Variants in CTNNA1 observed in about 807,000 individuals in gnomAD.
The protein encoded by CTNNA1 is catenin alpha-1.
Under a neutral mutation model 98.4 loss-of-function variants are expected in CTNNA1, and 37 were observed. The ratio of observed to expected loss-of-function variants is 0.38; its 90% CI spans 0.29 to 0.49. CTNNA1 has a LOEUF of 0.49. CTNNA1 is among the 20% of genes least tolerant of loss of function. The pLI is 0.95. For missense variants in CTNNA1, 761 were observed against 1,147.2 expected (o/e 0.66, Z 4.86); for synonymous variants, 404 against 413.2 (o/e 0.98, Z 0.27).
chr5:138,796,735 GAT>G (rs1408897527), intron 3 of CTNNA1, among the ~76,000 whole-genome samples: 14 of 152,212 alleles, frequency 9.2e-5, no homozygotes, highest in Admixed American at 9.2e-4. Context: ...ACATGTTTAA[GAT>G]AGTTGATGGT....
At chr5:138,863,742 A>G (rs893382584) in intron 7 of CTNNA1, among the ~76,000 whole-genome samples, 4 of 152,244 alleles carry the variant, frequency 2.6e-5, no homozygotes, top group Non-Finnish European at 4.4e-5. Context: ...CGCAAGGCTG[A>G]TTGAGGTGGA....
chr5:138,908,478 G>A (rs984902488), intron 10 of CTNNA1, among the ~76,000 whole-genome samples: 1 of 152,054 alleles, frequency 6.6e-6, no homozygotes, highest in Non-Finnish European at 1.5e-5. Context: ...GACCAGCCTG[G>A]GCAACAGAGC....
At chr5:138,825,851 T>G (rs1191474833) in intron 6 of CTNNA1, among the ~76,000 whole-genome samples, 1 of 152,152 alleles carries the variant, frequency 6.6e-6, no homozygotes, top group Non-Finnish European at 1.5e-5. Flanking sequence ...AACAAACTCT[T>G]ATGGTGCATG....
chr5:138,778,273 C>T (rs1278963869), intron 1 of CTNNA1, among the ~76,000 whole-genome samples: 3 of 152,106 alleles, frequency 2.0e-5, no homozygotes, highest in Non-Finnish European at 4.4e-5. Flanking sequence ...GGATTACAGA[C>T]GTGAGCCTCC....
intron 1 of CTNNA1, among the ~76,000 whole-genome samples, chr5:138,776,938 CGGGCGGGGGGCT>C (rs1561513384): frequency 2.3e-5 from 3 of 133,014 alleles, no homozygotes; most frequent in Admixed American, 7.3e-5. Context: ...GGCGGCTGGC[CGGGCGGGGGGCT>C]GACTCCCCCA....
intron 5 of CTNNA1, among the ~76,000 whole-genome samples, chr5:138,820,396 C>T (rs918537530): frequency 1.3e-5 from 2 of 152,094 alleles, no homozygotes; most frequent in African/African-American, 4.8e-5. Context: ...GTCTCGTCCC[C>T]TTCTTGGAGG....
In CTNNA1 at chr5:138,783,376, G is replaced by A. The variant is rs1580984945; in HGVS notation, c.301+4G>A. ...GTAGAAGATGTTCGAAAACAAGGTAGGTCATTACTGCTTTTTAGGTAAAGA... is the reference window on the plus strand; with the variant it reads ...GTAGAAGATGTTCGAAAACAAGGTAAGTCATTACTGCTTTTTAGGTAAAGA... On this transcript the variant is annotated splice_donor_region_variant and intron_variant, in intron 3 of 17. Transcript: ENST00000302763. 1.2e-6 allele frequency: 2 copies of A among 1,606,718 alleles called. No homozygotes were observed. Among genetic ancestry groups the A allele is most frequent in the South Asian group, 1.1e-5 (1 of 90,354 alleles).
intron 7 of CTNNA1, among the ~76,000 whole-genome samples, chr5:138,830,823 G>A (rs1277951262): frequency 6.6e-6 from 1 of 152,172 alleles, no homozygotes; most frequent in East Asian, 1.9e-4. Context: ...TAATGGGAGT[G>A]TCATCATAGG....
rs1581241836 is a variant in CTNNA1, at chr5:138,844,893, C to T, written c.1062+17175C>T. On this transcript the variant is annotated intron_variant, in intron 7 of 17. Transcript: ENST00000302763. ...TAATTAGTGTGCAGGAGACAGCAAA[C>T]CTCTTGGCTTGGTGGGAATGAAAAA... Among the ~76,000 whole-genome samples, 3 of 152,224 alleles carry T rather than the reference C, an allele frequency of 2.0e-5. No individual in the cohort carries two copies. The South Asian group carries it at 6.2e-4, about 32-fold the overall frequency.
chr5:138,781,397 T>C (rs1755090957), intron 1 of CTNNA1, among the ~76,000 whole-genome samples: 1 of 151,842 alleles, frequency 6.6e-6, no homozygotes, highest in Admixed American at 6.6e-5. Context: ...CTACTAAAAA[T>C]GCAAAAAAAT....
Position 138,827,503 on chromosome 5 carries a change from C to A in CTNNA1, c.859-12C>A. The A allele has an allele frequency of 6.2e-7, 1 of 1,613,880 alleles. No homozygotes were observed. Among genetic ancestry groups the A allele is most frequent in the East Asian group, 2.2e-5 (1 of 44,878 alleles). On this transcript the variant is annotated splice_polypyrimidine_tract_variant and intron_variant, in intron 6 of 17. Transcript: ENST00000302763. ...AGATGAGTACTAACATTCGGTAATA[C>A]TTTCTCTGCAGAAACAAATCATTGT... is the stretch of plus-strand genomic sequence containing the variant.
intron 5 of CTNNA1, among the ~76,000 whole-genome samples, chr5:138,819,296 G>T (rs934824676): frequency 5.3e-5 from 8 of 152,194 alleles, no homozygotes; most frequent in Non-Finnish European, 1.2e-4. Context: ...GAGCACAGCT[G>T]TTGTGTGGGC....
At chr5:138,929,494 A>T (rs1401098505) in intron 14 of CTNNA1, 138 bp downstream of exon 14, 2 of 605,970 alleles carry the variant, frequency 3.3e-6, no homozygotes, top group Middle Eastern at 3.8e-4. Context: ...ACTGAAGTTA[A>T]ACTAAGTTGT....
intron 1 of CTNNA1, among the ~76,000 whole-genome samples, chr5:138,775,322 T>C (rs1753985599): frequency 6.6e-6 from 1 of 152,228 alleles, no homozygotes; most frequent in Admixed American, 6.5e-5. Context: ...TTCCATTTCC[T>C]AAGGTTCACT....
At chr5:138,778,885 C>T (rs747421618) in intron 1 of CTNNA1, among the ~76,000 whole-genome samples, 5 of 151,120 alleles carry the variant, frequency 3.3e-5, no homozygotes, top group Non-Finnish European at 5.9e-5. Context: ...TTCAAAGTTA[C>T]GTTTTTTTTT....
chr5:138,930,728 C>G (rs1250407908), intron 15 of CTNNA1, 74 bp downstream of exon 15: 24 of 1,557,878 alleles, frequency 1.5e-5, no homozygotes, highest in Non-Finnish European at 2.0e-5. Context: ...CGCAGCGGCT[C>G]AGACAGCCCA....
In CTNNA1 at chr5:138,924,162, G is replaced by T. The variant is rs375337732; in HGVS notation, c.1547-348G>T. 7.9e-5 allele frequency among the ~76,000 whole-genome samples: 12 copies of T among 152,316 alleles called. No homozygotes were observed. The East Asian group carries it at 2.1e-3, about 27-fold the overall frequency. Reference sequence around the variant, plus strand: ...TTATTTGGGACATAGAGTCAGTGAAGCTAGAGGAAGATAAGTTATTGATGC... The same window carrying T: ...TTATTTGGGACATAGAGTCAGTGAATCTAGAGGAAGATAAGTTATTGATGC... On this transcript the variant is annotated intron_variant, in intron 11 of 17. Transcript: ENST00000302763.
At chr5:138,761,651 A>C (rs969319070) in intron 1 of CTNNA1, among the ~76,000 whole-genome samples, 5 of 152,208 alleles carry the variant, frequency 3.3e-5, no homozygotes, top group Admixed American at 6.5e-5. Context: ...GGCCTTCTAT[A>C]TGGAGATAAT....
intron 3 of CTNNA1, among the ~76,000 whole-genome samples, chr5:138,798,073 G>T (rs948944570): frequency 6.6e-6 from 1 of 152,080 alleles, no homozygotes; most frequent in African/African-American, 2.4e-5. Flanking sequence ...CTGTCCTTTA[G>T]GAAACTTGGT....
Sources: gnomAD v4.1 joint callset for allele counts (sites outside exome capture counted in the v4.1 genomes callset) on GRCh38, gnomAD v4.1.1 for gene constraint, MANE v1.5 for transcripts, NCBI Gene and HGNC (gene_info 2026-07-23, HGNC 2026-07-21) for gene names.